STK25: variants seen among roughly 807,000 people sequenced by gnomAD.
The protein encoded by STK25 is serine/threonine kinase 25.
A neutral mutation model predicts 53.8 loss-of-function variants in STK25; 29 were observed. That is an observed-to-expected ratio of 0.54 (90% CI 0.40 to 0.74). The LOEUF (loss-of-function observed/expected upper bound fraction) is 0.74. Among genes scored for constraint, STK25 ranks in the 30% least tolerant of loss-of-function variants. STK25 has a pLI of 0.00. For synonymous variants in STK25, 247 were observed against 238.3 expected (o/e 1.04, Z -0.33); for missense variants, 420 against 568.0 (o/e 0.74, Z 2.65).
chr2:241,496,414 C>T lies in STK25; in HGVS notation c.1225G>A (p.Val409Met). Residue 409 changes from valine to methionine, a missense_variant, in exon 11 of 12, where the codon GTG becomes ATG. Physicochemically the swap from Val to Met is conservative, Grantham distance 21. Transcript: ENST00000316586. This position sits in a 1 kb window ranked among gnomAD's most constrained non-coding sequence, Gnocchi z 5.8. Reference sequence around the variant, plus strand: ...CGCCCTCACCTCTGCACTCGCTCCACCAGGTGCACCATCAGCTTGTCTGAG... The same window carrying T: ...CGCCCTCACCTCTGCACTCGCTCCATCAGGTGCACCATCAGCTTGTCTGAG... ...GISDKLMVHL[V>M]ERVQRFSHNR... 6.2e-7 allele frequency: 1 copy of T among 1,613,600 alleles called. No homozygotes were observed. The highest frequency in any genetic ancestry group is 8.5e-7 in the Non-Finnish European group (1 of 1,179,934).
At position 241,494,363 on chromosome 2, in the gene STK25, G is replaced by A. The variant is rs1253324633; in HGVS notation, c.*1299C>T. The stretch of plus-strand genomic sequence containing the variant: ...TGGGAAAAATGTGCGAGTCTTGAGC[G>A]CGGAGCCGCTCAAGCCACAGCTCCC... On this transcript the variant is annotated 3_prime_UTR_variant, in exon 12 of 12. Transcript: ENST00000316586. The surrounding 1 kb of genome is among the most constrained non-coding windows in gnomAD (Gnocchi z 4.9). The A allele has an allele frequency of 6.0e-6, 2 of 333,900 alleles. No homozygotes were observed. Among genetic ancestry groups the A allele is most frequent in the Non-Finnish European group, 1.1e-5 (2 of 182,600 alleles). 20.7% of individuals were successfully genotyped at this position (333,900 alleles called of 1,614,324 possible).
At chr2:241,500,878 G>A in intron 3 of STK25, 82 bp from the exon 4 acceptor site, 1 of 1,444,340 alleles carries the variant, frequency 6.9e-7, no homozygotes. Context: ...GCCGGAGTCA[G>A]CCAGGGCCCA....
intron 5 of STK25, chr2:241,499,653 T>C (rs2065385161): frequency 1.7e-6 from 1 of 599,442 alleles, no homozygotes. Flanking sequence ...ATTTGGCTTT[T>C]ACGACAAATC....
chr2:241,501,489 A>G lies in STK25; in HGVS notation c.250T>C (p.Ser84Pro). ...DSPYITRYFG[S>P]YLKSTKLWII... ...CCCACAACAGGCACCTTTAGGTAGG[A>G]GCCAAAGTAGCGGGTGATGTAGGGG... Residue 84 changes from serine (S) to proline (P), a missense_variant, in exon 3 of 12, where the codon TCC becomes CCC. Ser to Pro is a moderately conservative substitution (Grantham distance 74). Transcript: ENST00000316586. This position sits in a 1 kb window ranked among gnomAD's most constrained non-coding sequence, Gnocchi z 5.3. 6.2e-7 allele frequency: 1 copy of G among 1,613,982 alleles called. No individual in the cohort carries two copies. Among genetic ancestry groups the G allele is most frequent in the Non-Finnish European group, 8.5e-7 (1 of 1,179,978 alleles).
At position 241,497,678 on chromosome 2, in the gene STK25, G is replaced by A. The variant is rs769485841; in HGVS notation, c.1042C>T (p.Pro348Ser). ...ALHSSQKPAE[P>S]VKRQPRSQCL... ...TGGGACCTCGGCTGCCTCTTGACGG[G>A]CTCCGCAGGCTGCAAAGGAGTGGAG... The change falls in exon 10 of 12, where the codon CCC becomes TCC. Residue 348 changes from proline to serine, a missense_variant. Transcript: ENST00000316586. 1.1e-5 allele frequency: 17 copies of A among 1,613,266 alleles called. No homozygotes were observed. The highest frequency in any genetic ancestry group is 1.3e-5 in the African/African-American group (1 of 74,940).
At position 241,496,903 on chromosome 2, in the gene STK25, G is replaced by A. The variant is rs887761383; in HGVS notation, c.1105-369C>T. ...AGAAACCCCCAAAGCACACGGCACC[G>A]CCAGGCCCAGATCTGACCTCCATCA... On this transcript the variant is annotated intron_variant, in intron 10 of 11. Coordinates refer to ENST00000316586, the MANE Select transcript of STK25 (RefSeq NM_001271977.2). This position sits in a 1 kb window ranked among gnomAD's most constrained non-coding sequence, Gnocchi z 5.8. 9.9e-5 allele frequency among the ~76,000 whole-genome samples: 15 copies of A among 152,148 alleles called. No homozygotes were observed. Among genetic ancestry groups the A allele is most frequent in the South Asian group, 2.1e-4 (1 of 4,816 alleles).
chr2:241,503,919 C>G, intron 2 of STK25: 1 of 433,112 alleles, frequency 2.3e-6, no homozygotes, highest in South Asian at 1.7e-5. Context: ...GAGGAGCTGG[C>G]TGAAGCCAAC....
In STK25 at chr2:241,501,163, C is replaced by T; in HGVS notation, c.261+315G>A. 3.6e-6 allele frequency: 2 copies of T among 550,434 alleles called. No homozygotes were observed. The highest frequency in any genetic ancestry group is 2.0e-5 in the South Asian group (1 of 49,900). The allele number at this position is 550,434 out of a possible 1,614,324, so 34.1% of individuals were successfully genotyped here. ...GGATGGCCACAGCGTTCCCTACACC[C>T]CAGACACTGGCACCACCAGCCACCT... On this transcript the variant is annotated intron_variant, in intron 3 of 11. Coordinates refer to ENST00000316586, the MANE Select transcript of STK25 (RefSeq NM_001271977.2). The surrounding 1 kb of genome is among the most constrained non-coding windows in gnomAD (Gnocchi z 5.3).
intron 9 of STK25, 40 bp downstream of exon 9, chr2:241,498,195 C>G: frequency 6.4e-7 from 1 of 1,571,456 alleles, no homozygotes; most frequent in Non-Finnish European, 8.8e-7. Context: ...CCCACGGCCC[C>G]AGGGGTGCAC....
At position 241,499,191 on chromosome 2, in the gene STK25, G is replaced by C; in HGVS notation, c.586-17C>G. On this transcript the variant is annotated splice_polypyrimidine_tract_variant and intron_variant, in intron 6 of 11. Transcript: ENST00000316586. ...GATGTCAGCCTGGACAGAACACAAG[G>C]ACTGTTGCTGCCCTGAGCACCCGAG... The C allele has an allele frequency of 2.5e-6, 4 of 1,613,800 alleles. No homozygotes were observed. The highest frequency in any genetic ancestry group is 2.5e-6 in the Non-Finnish European group (3 of 1,179,856).
At chr2:241,498,086 A>G (rs1186568327) in intron 9 of STK25, 149 bp downstream of exon 9, 1 of 740,254 alleles carries the variant, frequency 1.4e-6, no homozygotes, top group East Asian at 2.6e-5. Context: ...CACCAGGCCT[A>G]GTGCCACAGT....
intron 2 of STK25, among the ~76,000 whole-genome samples, chr2:241,505,468 C>T (rs2065767577): frequency 6.6e-6 from 1 of 152,154 alleles, no homozygotes; most frequent in Non-Finnish European, 1.5e-5. Flanking sequence ...AGGGCCATGA[C>T]CTGGCAGCAT....
At chr2:241,495,729 T>C in intron 11 of STK25, 28 bp from the exon 12 acceptor site, 1 of 1,613,788 alleles carries the variant, frequency 6.2e-7, no homozygotes, top group Admixed American at 1.7e-5. Flanking sequence ...CACTGCTGCG[T>C]GCGTGCACCT....
rs1350815945 is a variant in STK25, at chr2:241,494,195, G to C, written c.*1467C>G. On this transcript the variant is annotated 3_prime_UTR_variant, in exon 12 of 12. Coordinates refer to ENST00000316586, the MANE Select transcript of STK25 (RefSeq NM_001271977.2). This position sits in a 1 kb window ranked among gnomAD's most constrained non-coding sequence, Gnocchi z 4.9. ...GACACAGAGGTGACCTCTGTCCTGA[G>C]GCTTCTCAACAGATGGGAAGTGGCT... is the stretch of plus-strand genomic sequence containing the variant. The C allele has an allele frequency of 2.1e-6, 2 of 967,296 alleles. No homozygotes were observed. Among genetic ancestry groups the C allele is most frequent in the East Asian group, 5.9e-5 (2 of 34,022 alleles). The allele number at this position is 967,296 out of a possible 1,614,324, so 59.9% of individuals were successfully genotyped here. A position where few individuals can be genotyped will look rare whatever the true frequency, so the allele number is the denominator to read the frequency against.
At position 241,508,018 on chromosome 2, in the gene STK25, T is replaced by C. The variant is rs1378859237; in HGVS notation, c.18A>G (p.Gly6=). The change falls in exon 2 of 12, where the codon GGA becomes GGG. Residue 6 remains glycine (G), a synonymous_variant. Coordinates refer to ENST00000316586, the MANE Select transcript of STK25 (RefSeq NM_001271977.2). ...GCACCCTTCTCACCTGGTTGGCAAA[T>C]CCCCGGAGGTGAGCCATGGCCGCGC... MAHLR[G]FANQHSRVDP... 1 of 1,603,712 alleles carries C rather than the reference T, an allele frequency of 6.2e-7. No homozygotes were observed. The highest frequency in any genetic ancestry group is 1.7e-5 in the Admixed American group (1 of 58,852).
rs753948119 is a variant in STK25 at position 241,496,571 on chromosome 2, G to A, written c.1105-37C>T. ...CCACCACGCCTGACCCTGGACCCCA[G>A]GACAGGCCTTCAGGGAGCCTGCTCC... is the stretch of plus-strand genomic sequence containing the variant. On this transcript the variant is annotated intron_variant, in intron 10 of 11. Coordinates refer to ENST00000316586, the MANE Select transcript of STK25 (RefSeq NM_001271977.2). The surrounding 1 kb of genome is among the most constrained non-coding windows in gnomAD (Gnocchi z 5.8). The A allele has an allele frequency of 6.3e-7, 1 of 1,598,896 alleles. No homozygotes were observed. Among genetic ancestry groups the A allele is most frequent in the East Asian group, 2.2e-5 (1 of 44,488 alleles).
At position 241,493,476 on chromosome 2, in the gene STK25, GC is replaced by G; in HGVS notation, c.*2185del. The G allele has an allele frequency of 6.2e-7, 1 of 1,608,190 alleles. No homozygotes were observed. The highest frequency in any genetic ancestry group is 8.5e-7 in the Non-Finnish European group (1 of 1,175,322). On this transcript the variant is annotated 3_prime_UTR_variant, in exon 12 of 12. Coordinates refer to ENST00000316586, the MANE Select transcript of STK25 (RefSeq NM_001271977.2). Reference sequence around the variant, plus strand: ...TTGCAGGAGGCAGCCCTGGTCAGCTGCCCATTTCGATGTCCGCTCAGCTCCC... The same window carrying G: ...TTGCAGGAGGCAGCCCTGGTCAGCTGCCATTTCGATGTCCGCTCAGCTCCC...
Position 241,501,070 on chromosome 2 carries a change from C to A in STK25, c.262-274G>T. ...CAAAAACCAGGCTGCTGATCCAGTCCTACAGGGCTGGGAAGAGGGCATGGC... is the reference window on the plus strand; with the variant it reads ...CAAAAACCAGGCTGCTGATCCAGTCATACAGGGCTGGGAAGAGGGCATGGC... On this transcript the variant is annotated intron_variant, in intron 3 of 11. Coordinates refer to ENST00000316586, the MANE Select transcript of STK25 (RefSeq NM_001271977.2). This position sits in a 1 kb window ranked among gnomAD's most constrained non-coding sequence, Gnocchi z 5.3. 1 of 576,092 alleles carries A rather than the reference C, an allele frequency of 1.7e-6. No individual in the cohort carries two copies. Among genetic ancestry groups the A allele is most frequent in the Non-Finnish European group, 3.1e-6 (1 of 322,206 alleles). 35.7% of individuals were successfully genotyped at this position (576,092 alleles called of 1,614,324 possible).
chr2:241,500,877 A>C (rs1004342158), intron 3 of STK25, 81 bp from the exon 4 acceptor site: 51 of 1,453,918 alleles, frequency 3.5e-5, no homozygotes, highest in Non-Finnish European at 4.8e-5. Context: ...GGCCGGAGTC[A>C]GCCAGGGCCC....
Sources: gnomAD v4.1 joint callset for allele counts (sites outside exome capture counted in the v4.1 genomes callset) on GRCh38, gnomAD v4.1.1 for gene constraint, Gnocchi (gnomAD v3.1) non-coding constraint, MANE v1.5 for transcripts, NCBI Gene and HGNC (gene_info 2026-07-23, HGNC 2026-07-21) for gene names.